SNX29: variants seen among roughly 807,000 people sequenced by gnomAD.
SNX29 encodes sorting nexin-29.
SNX29 carries 78 observed loss-of-function variants against 102.1 expected under a neutral mutation model. The ratio of observed to expected loss-of-function variants is 0.76; its 90% CI spans 0.64 to 0.92. The LOEUF (loss-of-function observed/expected upper bound fraction) is 0.92, where lower values mean the gene tolerates loss of function less well. Ranked by LOEUF, SNX29 falls within the 40% of genes least tolerant of loss-of-function variation. The pLI is 0.00. For synonymous variants in SNX29, 580 were observed against 414.5 expected, an observed-to-expected ratio of 1.40 and a Z score of -4.85; for missense variants, 1,280 against 1,061.7, an observed-to-expected ratio of 1.21 and a Z score of -2.86.
At chr16:12,432,450 G>C (rs758320073) in intron 18 of SNX29, among the ~76,000 whole-genome samples, 13 of 152,182 alleles carry the variant, frequency 8.5e-5, no homozygotes, top group African/African-American at 3.1e-4. Context: ...GCTGGTATGG[G>C]GAGTGCTCAG....
At chr16:12,551,132 C>A (rs2077950306) in intron 20 of SNX29, among the ~76,000 whole-genome samples, 1 of 151,994 alleles carries the variant, frequency 6.6e-6, no homozygotes, top group Non-Finnish European at 1.5e-5. Context: ...AACAGTGGTC[C>A]ACAGCTGCCA....
intron 14 of SNX29, among the ~76,000 whole-genome samples, chr16:12,202,860 A>G (rs1006139589): frequency 6.6e-6 from 1 of 152,274 alleles, no homozygotes; most frequent in Non-Finnish European, 1.5e-5. Context: ...GAGCAGGTGC[A>G]TCACTTCAAC....
chr16:12,307,326 T>C (rs546680964), intron 15 of SNX29, among the ~76,000 whole-genome samples: 1 of 152,184 alleles, frequency 6.6e-6, no homozygotes, highest in African/African-American at 2.4e-5. Context: ...GTGGGATAGA[T>C]GGTGAGTGCG....
At chr16:12,340,439 G>T (rs2081578403) in intron 15 of SNX29, among the ~76,000 whole-genome samples, 1 of 152,218 alleles carries the variant, frequency 6.6e-6, no homozygotes, top group South Asian at 2.1e-4. Flanking sequence ...TTTGTTCCCT[G>T]TTGTATCCCC....
intron 18 of SNX29, among the ~76,000 whole-genome samples, chr16:12,456,557 A>G (rs373080580): frequency 7.9e-5 from 12 of 151,770 alleles, no homozygotes; most frequent in African/African-American, 2.4e-4. Context: ...AGTGATGTAT[A>G]CCTGGTGGGG....
At chr16:12,397,099 C>T (rs1160480894) in intron 16 of SNX29, among the ~76,000 whole-genome samples, 1 of 152,100 alleles carries the variant, frequency 6.6e-6, no homozygotes, top group African/African-American at 2.4e-5. Flanking sequence ...TGCTGTGTTG[C>T]CCAGGCTGGT....
chr16:12,061,949 G>A (rs539343088), intron 9 of SNX29, among the ~76,000 whole-genome samples: 1 of 152,140 alleles, frequency 6.6e-6, no homozygotes, highest in Non-Finnish European at 1.5e-5. Context: ...GAACTTGGTC[G>A]TTTAAAAGCT....
chr16:12,558,178 GT>G lies in SNX29; in HGVS notation c.2319-10323del, dbSNP rs558097987. 1.1e-3 allele frequency among the ~76,000 whole-genome samples: 166 copies of G among 152,090 alleles called. 1 individual carries two copies. Among genetic ancestry groups the G allele is most frequent in the African/African-American group, 3.6e-3 (148 of 41,460 alleles). On this transcript the variant is annotated intron_variant, in intron 20 of 20. Coordinates refer to ENST00000566228, the MANE Select transcript of SNX29 (RefSeq NM_032167.5). ...AGCAAGTTAGGCGTAATGCATCTCA[GT>G]TTTTAATAATTACGGTTTACTCCAG...
intron 11 of SNX29, among the ~76,000 whole-genome samples, chr16:12,080,154 C>T (rs890874079): frequency 3.3e-5 from 5 of 152,098 alleles, no homozygotes; most frequent in African/African-American, 4.8e-5. Context: ...GTATACCACT[C>T]GTGTCTTGGG....
chr16:12,563,956 G>A (rs1359904496), intron 20 of SNX29, among the ~76,000 whole-genome samples: 3 of 151,878 alleles, frequency 2.0e-5, no homozygotes, highest in East Asian at 1.9e-4. Context: ...CAAGAAAGAC[G>A]AGGAAGGGCT....
chr16:12,570,534 A>C lies in SNX29; in HGVS notation c.*1905A>C, dbSNP rs1598137002. The stretch of plus-strand genomic sequence containing the variant: ...TATGCCACATCGGTCATTTTGAAGT[A>C]GGTGTTTGATGCCAGCTCAGAGACT... On this transcript the variant is annotated 3_prime_UTR_variant, in exon 21 of 21. Transcript: ENST00000566228. The C allele has an allele frequency of 4.3e-6, 1 of 232,418 alleles. No individual in the cohort carries two copies. The highest frequency in any genetic ancestry group is 6.1e-5 in the East Asian group (1 of 16,470). 14.4% of individuals were successfully genotyped at this position (232,418 alleles called of 1,614,324 possible). A position where few individuals can be genotyped will look rare whatever the true frequency, so the allele number is the denominator to read the frequency against.
chr16:12,335,985 C>T (rs903801672), intron 15 of SNX29, among the ~76,000 whole-genome samples: 6 of 152,160 alleles, frequency 3.9e-5, no homozygotes, highest in African/African-American at 9.7e-5. Flanking sequence ...AAGGCACATC[C>T]GGGAAGACAG....
chr16:12,506,457 G>C (rs900922975), intron 19 of SNX29, among the ~76,000 whole-genome samples: 1 of 152,212 alleles, frequency 6.6e-6, no homozygotes, highest in East Asian at 1.9e-4. Context: ...TGAAGGGGAT[G>C]TATGCTGGAC....
chr16:12,143,502 C>A (rs921098214), intron 13 of SNX29, among the ~76,000 whole-genome samples: 11 of 152,188 alleles, frequency 7.2e-5, no homozygotes, highest in African/African-American at 2.7e-4. Context: ...AGGGCTTCCA[C>A]CGCTCCTAGA....
At chr16:12,551,508 C>T (rs926279278) in intron 20 of SNX29, among the ~76,000 whole-genome samples, 4 of 152,188 alleles carry the variant, frequency 2.6e-5, no homozygotes, top group Non-Finnish European at 5.9e-5. Flanking sequence ...TGGGCCTCAG[C>T]ATCAGGATCT....
intron 7 of SNX29, 29 bp from the exon 8 acceptor site, chr16:12,051,818 T>C (rs754240784): frequency 3.1e-6 from 5 of 1,598,804 alleles, no homozygotes; most frequent in Non-Finnish European, 1.7e-6. Flanking sequence ...CTTTTTCTTA[T>C]ACTGTATCTT....
chr16:12,010,409 C>T (rs1405331726), intron 3 of SNX29, among the ~76,000 whole-genome samples: 3 of 152,156 alleles, frequency 2.0e-5, no homozygotes, highest in Admixed American at 1.3e-4. Context: ...ATCACTTGAT[C>T]CCAGGAGTTC....
chr16:12,445,344 G>A (rs2086001732), intron 18 of SNX29, among the ~76,000 whole-genome samples: 2 of 152,222 alleles, frequency 1.3e-5, no homozygotes, highest in Non-Finnish European at 2.9e-5. Context: ...GCCTTATCGA[G>A]ATGCCCCCGC....
chr16:12,440,974 G>T (rs947784728), intron 18 of SNX29, among the ~76,000 whole-genome samples: 2 of 151,822 alleles, frequency 1.3e-5, no homozygotes, highest in Admixed American at 6.6e-5. Flanking sequence ...TCTGCCTTTT[G>T]TGACTTAGAA....
Sources: allele counts gnomAD v4.1 joint callset (sites outside exome capture counted in the v4.1 genomes callset), GRCh38; gene constraint gnomAD v4.1.1; transcripts MANE v1.5; gene names NCBI Gene and HGNC (gene_info 2026-07-23, HGNC 2026-07-21).